The following ITGB5 variants were observed in gnomAD, a reference collection of about 807,000 sequenced individuals.
ITGB5 encodes the protein integrin subunit beta 5.
A neutral mutation model predicts 84.8 loss-of-function variants in ITGB5; 38 were observed. The ratio of observed to expected loss-of-function variants is 0.45; its 90% CI spans 0.35 to 0.59. The LOEUF (loss-of-function observed/expected upper bound fraction) is 0.59. ITGB5 is among the 20% of genes least tolerant of loss of function. The probability of loss-of-function intolerance (pLI) is 0.01; values close to 1 mark genes in which losing one functional copy is unlikely to be tolerated. For synonymous variants in ITGB5, 393 were observed against 414.4 expected (o/e 0.95, Z 0.63); for missense variants, 905 against 1,034.5 (o/e 0.87, Z 1.72).
intron 10 of ITGB5, chr3:124,781,357 C>T (rs778599984): frequency 2.0e-5 from 3 of 152,414 alleles, no homozygotes; most frequent in South Asian, 2.1e-4. Flanking sequence ...ACCCCTTGTC[C>T]TCCCATGCCC....
Position 124,809,103 on chromosome 3 carries a change from A to ATT in ITGB5, c.1180_1181dup (p.Asn394LysfsTer24). The ATT allele has an allele frequency of 6.2e-7, 1 of 1,614,092 alleles. No homozygotes were observed. Among genetic ancestry groups the ATT allele is most frequent in the Non-Finnish European group, 8.5e-7 (1 of 1,179,970 alleles). On this transcript the variant is annotated frameshift_variant, in exon 9 of 15. Coordinates refer to ENST00000296181, the MANE Select transcript of ITGB5 (RefSeq NM_002213.5). LOFTEE classifies it high-confidence loss of function. ...CTTGGCAGGTAGCAGTAAAGAAGAG[A>ATT]TTAAGATCCTCAGGCTGATCCCAGA...
intron 4 of ITGB5, 150 bp downstream of exon 4, chr3:124,848,159 A>G: frequency 2.4e-6 from 2 of 832,628 alleles, no homozygotes; most frequent in Non-Finnish European, 3.8e-6. Flanking sequence ...GAAAGGAGAG[A>G]ATGTATGCTT....
intron 4 of ITGB5, 120 bp downstream of exon 4, chr3:124,848,189 G>T (rs1377189867): frequency 9.0e-7 from 1 of 1,110,350 alleles, no homozygotes. Context: ...CAAATTAAAC[G>T]CCTAAGCCTG....
intron 5 of ITGB5, among the ~76,000 whole-genome samples, chr3:124,833,823 T>C (rs1365475400): frequency 6.6e-6 from 1 of 152,192 alleles, no homozygotes. Flanking sequence ...AAAAAAGACA[T>C]AGTCCCTGCC....
chr3:124,850,267 A>G (rs1018881492), intron 3 of ITGB5, among the ~76,000 whole-genome samples: 1 of 152,092 alleles, frequency 6.6e-6, no homozygotes, highest in Non-Finnish European at 1.5e-5. Context: ...CTTGAATAGG[A>G]GTGCAACCTG....
chr3:124,793,532 G>C (rs2064179576), intron 10 of ITGB5, among the ~76,000 whole-genome samples: 1 of 152,222 alleles, frequency 6.6e-6, no homozygotes. Context: ...CCCCCCAGAG[G>C]GGTGTGGCAC....
intron 10 of ITGB5, among the ~76,000 whole-genome samples, chr3:124,777,217 C>G (rs2063938797): frequency 6.6e-6 from 1 of 152,194 alleles, no homozygotes; most frequent in African/African-American, 2.4e-5. Flanking sequence ...AAGGCCAGAG[C>G]TGCTGGCCAT....
Position 124,821,446 on chromosome 3 carries a change from A to C in ITGB5, c.809T>G (p.Leu270Arg). 1.2e-6 allele frequency: 2 copies of C among 1,614,220 alleles called. No individual in the cohort carries two copies. Among genetic ancestry groups the C allele is most frequent in the Middle Eastern group, 1.6e-4 (1 of 6,062 alleles). The change falls in exon 6 of 15, where the codon CTG becomes CGG. Residue 270 changes from leucine (L) to arginine (R), a missense_variant. Physicochemically the swap from Leu to Arg is moderately radical, Grantham distance 102 (BLOSUM62 -2). Coordinates refer to ENST00000296181, the MANE Select transcript of ITGB5 (RefSeq NM_002213.5). ...ATCTGTTGTGAACACCAGCAAATGC[A>C]GTGCATCCTTTCGCCAGCCAATCTT... is the stretch of plus-strand genomic sequence containing the variant. ...KEKIGWRKDALHLLVFTTDDV... is the reference protein window; with the variant it reads ...KEKIGWRKDARHLLVFTTDDV...
Position 124,879,723 on chromosome 3 carries a change from T to C in ITGB5, c.71-6192A>G, listed in dbSNP as rs534161469. Among the ~76,000 whole-genome samples, 19 of 152,288 alleles carry C rather than the reference T, an allele frequency of 1.2e-4. No individual in the cohort carries two copies. The South Asian group carries it at 3.9e-3, about 32-fold the overall frequency. On this transcript the variant is annotated intron_variant, in intron 1 of 14. Coordinates refer to ENST00000296181, the MANE Select transcript of ITGB5 (RefSeq NM_002213.5). ...TTGACAGGAAGCTTACCCCAATACA[T>C]CGCTAAGTTAAAAATAAAAAGCAAG... is the stretch of plus-strand genomic sequence containing the variant.
At chr3:124,840,632 A>G (rs570360386) in intron 5 of ITGB5, among the ~76,000 whole-genome samples, 8 of 151,738 alleles carry the variant, frequency 5.3e-5, no homozygotes, top group African/African-American at 1.9e-4. Flanking sequence ...TAGAATTGCA[A>G]CCAAAGATGC....
intron 14 of ITGB5, 38 bp from the exon 15 acceptor site, chr3:124,763,756 T>C: frequency 8.1e-7 from 1 of 1,236,030 alleles, no homozygotes; most frequent in Non-Finnish European, 1.2e-6. Context: ...AGGACACATG[T>C]TAGCTCACAC....
chr3:124,892,067 A>T (rs142049057), upstream of ITGB5, among the ~76,000 whole-genome samples: 9 of 152,296 alleles, frequency 5.9e-5, no homozygotes, highest in African/African-American at 2.2e-4. Context: ...AGGACAAAAT[A>T]TTGTATGATT....
chr3:124,764,173 C>G (rs1579158156), intron 14 of ITGB5, among the ~76,000 whole-genome samples: 1 of 152,208 alleles, frequency 6.6e-6, no homozygotes, highest in Admixed American at 6.5e-5. Context: ...CCCCCATGAC[C>G]TTCCTGACCT....
intron 1 of ITGB5, among the ~76,000 whole-genome samples, chr3:124,883,865 G>A (rs1305307822): frequency 6.6e-6 from 1 of 152,304 alleles, no homozygotes; most frequent in East Asian, 1.9e-4. Flanking sequence ...TCTGTCTGAA[G>A]GCTCTTGGCC....
At chr3:124,854,390 T>G (rs1022678398) in intron 3 of ITGB5, among the ~76,000 whole-genome samples, 2 of 152,158 alleles carry the variant, frequency 1.3e-5, no homozygotes, top group Non-Finnish European at 2.9e-5. Flanking sequence ...TAAACTAAAA[T>G]ATAGTATATC....
At chr3:124,770,701 C>A (rs1481958604) in intron 11 of ITGB5, among the ~76,000 whole-genome samples, 2 of 152,160 alleles carry the variant, frequency 1.3e-5, no homozygotes, top group South Asian at 2.1e-4. Context: ...TGCTTAGGAG[C>A]TCAACCATCC....
chr3:124,889,602 A>T (rs1381147288), upstream of ITGB5, among the ~76,000 whole-genome samples: 1 of 152,148 alleles, frequency 6.6e-6, no homozygotes, highest in African/African-American at 2.4e-5. Flanking sequence ...GTTTGTTTTG[A>T]TGTAAAACGC....
chr3:124,809,314 C>A, intron 8 of ITGB5, 158 bp from the exon 9 acceptor site: 1 of 672,092 alleles, frequency 1.5e-6, no homozygotes. Context: ...CTCCCTCATC[C>A]TTTCCCTTCT....
At chr3:124,808,137 G>C (rs566714282) in intron 9 of ITGB5, among the ~76,000 whole-genome samples, 2 of 152,190 alleles carry the variant, frequency 1.3e-5, no homozygotes, top group South Asian at 2.1e-4. Flanking sequence ...AAGCCAGGGG[G>C]ATGAGTCAGC....
Sources: allele counts gnomAD v4.1 joint callset (sites outside exome capture counted in the v4.1 genomes callset), GRCh38; gene constraint gnomAD v4.1.1; transcripts MANE v1.5; gene names NCBI Gene and HGNC (gene_info 2026-07-23, HGNC 2026-07-21).